Variants in LRSAM1 observed in about 807,000 individuals in gnomAD.
LRSAM1 encodes leucine rich repeat and sterile alpha motif containing 1, also known as E3 ubiquitin-protein ligase LRSAM1.
A neutral mutation model predicts 118.1 loss-of-function variants in LRSAM1; 96 were observed. The ratio of observed to expected loss-of-function variants is 0.81; its 90% CI spans 0.69 to 0.96. The LOEUF (loss-of-function observed/expected upper bound fraction) is 0.96, where lower values mean the gene tolerates loss of function less well. Among genes scored for constraint, LRSAM1 ranks in the 40% least tolerant of loss-of-function variants. LRSAM1 has a pLI of 0.00. For missense variants in LRSAM1, 804 were observed against 915.5 expected (o/e 0.88, Z 1.57); for synonymous variants, 322 against 364.2 (o/e 0.88, Z 1.32).
rs372357453 is a variant in LRSAM1 at position 127,479,438 on chromosome 9, G to A, written c.836G>A (p.Arg279Gln). 14 of 1,614,026 alleles carry A rather than the reference G, an allele frequency of 8.7e-6. No individual in the cohort carries two copies. The African/African-American group carries it at 9.3e-5, about 11-fold the overall frequency. ...GAACGGCGCCTGGAACTGGGGCAGC[G>A]GGAGCACACCCAGCTCCTTCAGCAG... ...EFERRLELGQ[R>Q]EHTQLLQQSS... The change falls in exon 13 of 26, where the codon CGG becomes CAG. Residue 279 changes from arginine (R) to glutamine (Q), a missense_variant. Arg to Gln is a conservative substitution (Grantham distance 43). Transcript: ENST00000300417.
chr9:127,458,926 C>G (rs984410122), intron 6 of LRSAM1, 77 bp from the exon 7 acceptor site: 15 of 1,457,724 alleles, frequency 1.0e-5, no homozygotes, highest in Non-Finnish European at 1.2e-5. Context: ...GTGGCCCCAG[C>G]CCCTCCTCAG....
rs1016145780 is a variant in LRSAM1, at chr9:127,465,881, G to T, written c.529-1859G>T. 6.6e-6 allele frequency among the ~76,000 whole-genome samples: 1 copy of T among 152,206 alleles called. No homozygotes were observed. Among genetic ancestry groups the T allele is most frequent in the Admixed American group, 6.5e-5 (1 of 15,274 alleles). On this transcript the variant is annotated intron_variant, in intron 9 of 25. Coordinates refer to ENST00000300417, the MANE Select transcript of LRSAM1 (RefSeq NM_001005373.4). This position sits in a 1 kb window ranked among gnomAD's most constrained non-coding sequence, Gnocchi z 4.1. ...ACACCGTGGATGGGGCAGTTCTGTGGCTGTGAGCTGAGGCCCCTGCTTCCT... is the reference window on the plus strand; with the variant it reads ...ACACCGTGGATGGGGCAGTTCTGTGTCTGTGAGCTGAGGCCCCTGCTTCCT...
intron 11 of LRSAM1, 80 bp from the exon 12 acceptor site, chr9:127,478,854 A>C: frequency 4.2e-6 from 6 of 1,428,540 alleles, no homozygotes; most frequent in Non-Finnish European, 5.9e-6. Context: ...ACATCAGGCC[A>C]CCCGGGGGTT....
At chr9:127,499,280 G>C (rs1288733781) in intron 24 of LRSAM1, among the ~76,000 whole-genome samples, 2 of 152,016 alleles carry the variant, frequency 1.3e-5, no homozygotes, top group African/African-American at 4.8e-5. Flanking sequence ...GGGCAAAGGT[G>C]GGAGGATCGC....
chr9:127,467,604 C>T (rs1177071583), intron 9 of LRSAM1, 136 bp from the exon 10 acceptor site: 3 of 842,844 alleles, frequency 3.6e-6, no homozygotes, highest in Non-Finnish European at 3.9e-6. Context: ...AGTAACAAGA[C>T]AGTTCAGCCA....
At chr9:127,481,255 A>ATTTT in intron 15 of LRSAM1, 28 bp downstream of exon 15, 13 of 1,490,336 alleles carry the variant, frequency 8.7e-6, no homozygotes, top group Admixed American at 3.7e-5. Flanking sequence ...GGAGGGCAGC[A>ATTTT]TTTTTTTTTT....
At chr9:127,471,294 A>G (rs539062256) in intron 10 of LRSAM1, among the ~76,000 whole-genome samples, 1 of 151,274 alleles carries the variant, frequency 6.6e-6, no homozygotes, top group South Asian at 2.1e-4. Flanking sequence ...GCAACATGGC[A>G]AAACTTCATC....
intron 24 of LRSAM1, 88 bp from the exon 25 acceptor site, chr9:127,500,922 A>C: frequency 6.3e-7 from 1 of 1,594,074 alleles, no homozygotes; most frequent in African/African-American, 1.3e-5. Context: ...CTCACTCACC[A>C]TGGGGATGGG....
intron 25 of LRSAM1, 62 bp from the exon 26 acceptor site, chr9:127,502,712 A>C (rs1836440036): frequency 1.2e-5 from 16 of 1,357,748 alleles, no homozygotes; most frequent in African/African-American, 1.6e-5. Context: ...AAAAAAAAAG[A>C]CGGGCCTGGG....
intron 10 of LRSAM1, 64 bp downstream of exon 10, chr9:127,467,894 C>G: frequency 6.8e-7 from 1 of 1,480,516 alleles, no homozygotes. Context: ...CCACCCTGTG[C>G]CAGCCCAGGC....
chr9:127,475,256 CGAGGCTGGTG>C (rs761619043), intron 11 of LRSAM1, among the ~76,000 whole-genome samples: 2 of 151,950 alleles, frequency 1.3e-5, no homozygotes, highest in African/African-American at 2.4e-5. Context: ...ATTGGGAGGC[CGAGGCTGGTG>C]GATCACTTGA....
At position 127,493,042 on chromosome 9, in the gene LRSAM1, C is replaced by G; in HGVS notation, c.1599+145C>G. On this transcript the variant is annotated intron_variant, in intron 21 of 25. Coordinates refer to ENST00000300417, the MANE Select transcript of LRSAM1 (RefSeq NM_001005373.4). ...AGTACAAAGGAAAATAATTGCATTTCCAAGCGTTATCTCCTGCCATTTTTT... is the reference window on the plus strand; with the variant it reads ...AGTACAAAGGAAAATAATTGCATTTGCAAGCGTTATCTCCTGCCATTTTTT... 7.9e-6 allele frequency: 6 copies of G among 756,714 alleles called. No homozygotes were observed. The South Asian group carries it at 9.0e-5, about 11-fold the overall frequency. 46.9% of individuals were successfully genotyped at this position (756,714 alleles called of 1,614,324 possible).
intron 24 of LRSAM1, among the ~76,000 whole-genome samples, chr9:127,500,216 C>T (rs773305807): frequency 4.7e-4 from 71 of 151,782 alleles, no homozygotes; most frequent in Non-Finnish European, 8.8e-4. Flanking sequence ...CAAAAATTAG[C>T]CTGTCGTGAT....
intron 18 of LRSAM1, among the ~76,000 whole-genome samples, chr9:127,489,138 C>T (rs992469639): frequency 1.3e-5 from 2 of 152,222 alleles, no homozygotes; most frequent in Middle Eastern, 3.4e-3. Flanking sequence ...TGTGTCCCAG[C>T]GCCGCTGATT....
intron 9 of LRSAM1, 110 bp downstream of exon 9, chr9:127,462,483 G>C (rs969661056): frequency 7.7e-6 from 12 of 1,558,202 alleles, no homozygotes; most frequent in South Asian, 1.1e-5. Flanking sequence ...GCCACACAGA[G>C]ATCCCAAGGC....
chr9:127,486,352 C>T (rs914441119), intron 17 of LRSAM1: 6 of 176,070 alleles, frequency 3.4e-5, no homozygotes, highest in Non-Finnish European at 6.1e-5. Context: ...ATGCTGATGG[C>T]TGCTCTGGGG....
At position 127,503,272 on chromosome 9, in the gene LRSAM1, C is replaced by G. The variant is rs933632211; in HGVS notation, c.*373C>G. On this transcript the variant is annotated 3_prime_UTR_variant, in exon 26 of 26. Transcript: ENST00000300417. ...ATCTGGGGGCCATGCACAGGCCCGT[C>G]CCACCCTGCATGTGGGAAGGGAGCA... 1 of 320,724 alleles carries G rather than the reference C, an allele frequency of 3.1e-6. No homozygotes were observed. Among genetic ancestry groups the G allele is most frequent in the Non-Finnish European group, 6.1e-6 (1 of 163,988 alleles). 19.9% of individuals were successfully genotyped at this position (320,724 alleles called of 1,614,324 possible).
intron 8 of LRSAM1, 117 bp from the exon 9 acceptor site, chr9:127,462,135 T>A (rs1834770215): frequency 5.5e-6 from 8 of 1,454,050 alleles, no homozygotes; most frequent in Non-Finnish European, 7.6e-6. Flanking sequence ...CTAGGAAACC[T>A]CAGAGCCCAG....
rs1007088148 is a variant in LRSAM1, at chr9:127,481,120, C to T, written c.1044-63C>T. The T allele has an allele frequency of 2.4e-5, 37 of 1,563,938 alleles. No homozygotes were observed. In the South Asian group the frequency reaches 2.6e-4, roughly 11 times the overall value. ...TTCCTAAGCCCCTCTGCACAGCTAA[C>T]GCAGTGAGACAGGAAACAGGCCTGC... On this transcript the variant is annotated intron_variant, in intron 14 of 25. Coordinates refer to ENST00000300417, the MANE Select transcript of LRSAM1 (RefSeq NM_001005373.4).
Sources: allele counts gnomAD v4.1 joint callset (sites outside exome capture counted in the v4.1 genomes callset), GRCh38; gene constraint gnomAD v4.1.1; non-coding constraint Gnocchi (gnomAD v3.1); transcripts MANE v1.5; gene names NCBI Gene and HGNC (gene_info 2026-07-23, HGNC 2026-07-21).